The following TRIM16 variants were observed in gnomAD, a reference collection of about 807,000 sequenced individuals.
The protein encoded by TRIM16 is tripartite motif-containing protein 16.
A neutral mutation model predicts 50.4 loss-of-function variants in TRIM16; 33 were observed. That is an observed-to-expected ratio of 0.65 (90% CI 0.50 to 0.88). The LOEUF is 0.88. Ranked by LOEUF, TRIM16 falls within the 40% of genes least tolerant of loss-of-function variation. TRIM16 has a pLI of 0.00. For synonymous variants in TRIM16, 229 were observed against 270.7 expected, an observed-to-expected ratio of 0.85 and a Z score of 1.51; for missense variants, 581 against 686.8, an observed-to-expected ratio of 0.85 and a Z score of 1.72.
rs1442465510 is a variant in TRIM16 at position 15,653,183 on chromosome 17, T to G, written c.-337-1237A>C. ...GCCTGGCACCACCCCCTCTCTTAAT[T>G]CCTCTCTCTCCATGTGACCTGCCCA... is the stretch of plus-strand genomic sequence containing the variant. On this transcript the variant is annotated intron_variant, in intron 6 of 11. Coordinates refer to ENST00000649191, the MANE Select transcript of TRIM16 (RefSeq NM_001348119.1). Among the ~76,000 whole-genome samples the G allele has an allele frequency of 1.1e-4, 17 of 152,034 alleles. 1 individual carries two copies. In the East Asian group the frequency reaches 1.7e-3, roughly 16 times the overall value.
chr17:15,657,914 G>A (rs994340931), intron 6 of TRIM16, among the ~76,000 whole-genome samples: 3 of 152,186 alleles, frequency 2.0e-5, no homozygotes, highest in Admixed American at 6.5e-5. Flanking sequence ...AGTATCTCTT[G>A]CATAAAATGA....
At chr17:15,673,743 T>A (rs962295728) in intron 6 of TRIM16, among the ~76,000 whole-genome samples, 4 of 152,100 alleles carry the variant, frequency 2.6e-5, no homozygotes, top group African/African-American at 9.7e-5. Context: ...AACCAAAAAA[T>A]AATGCCTGGC....
chr17:15,673,860 T>C (rs1856408017), intron 6 of TRIM16, among the ~76,000 whole-genome samples: 1 of 152,134 alleles, frequency 6.6e-6, no homozygotes, highest in African/African-American at 2.4e-5. Flanking sequence ...CATATGACCA[T>C]TTTTTTAAAA....
At chr17:15,644,798 T>TTTC (rs1567674941) in intron 7 of TRIM16, among the ~76,000 whole-genome samples, 2 of 149,178 alleles carry the variant, frequency 1.3e-5, no homozygotes, top group African/African-American at 5.2e-5. Context: ...AACCTAAGTT[T>TTTC]TTGTTGTTGT....
chr17:15,655,510 A>G (rs1275969593), intron 6 of TRIM16, among the ~76,000 whole-genome samples: 1 of 151,834 alleles, frequency 6.6e-6, no homozygotes, highest in East Asian at 1.9e-4. Flanking sequence ...GACATTCCAC[A>G]GTGGTGTGGA....
chr17:15,660,626 C>T (rs1238186550), intron 6 of TRIM16, among the ~76,000 whole-genome samples: 5 of 152,168 alleles, frequency 3.3e-5, no homozygotes, highest in African/African-American at 4.8e-5. Flanking sequence ...GGGCCGGGCG[C>T]GGTGGCTCAC....
At chr17:15,667,838 A>G (rs1988563493) in intron 6 of TRIM16, among the ~76,000 whole-genome samples, 1 of 151,982 alleles carries the variant, frequency 6.6e-6, no homozygotes, top group Non-Finnish European at 1.5e-5. Flanking sequence ...CAATTAATGA[A>G]CTAATATTGA....
At chr17:15,665,957 A>T (rs1255195166) in intron 6 of TRIM16, among the ~76,000 whole-genome samples, 2 of 152,034 alleles carry the variant, frequency 1.3e-5, no homozygotes, top group African/African-American at 4.8e-5. Flanking sequence ...TTCTTTTCTC[A>T]GAGATTGCCA....
chr17:15,655,768 G>T (rs9890334), intron 6 of TRIM16, among the ~76,000 whole-genome samples: 17,456 of 152,042 alleles, frequency 0.11, 1,791 homozygotes, highest in African/African-American at 0.27. Flanking sequence ...TAGAGACGGG[G>T]TTTCACCGTG....
intron 6 of TRIM16, among the ~76,000 whole-genome samples, chr17:15,659,946 CA>C (rs1310650083): frequency 6.6e-6 from 1 of 152,118 alleles, no homozygotes. Context: ...AGCAGCTCAG[CA>C]AGGCCAATGG....
At chr17:15,649,211 A>G (rs1489255752) in intron 7 of TRIM16, among the ~76,000 whole-genome samples, 1 of 152,180 alleles carries the variant, frequency 6.6e-6, no homozygotes, top group Non-Finnish European at 1.5e-5. Context: ...GCCTTCGAGG[A>G]GAAAACGGAG....
intron 6 of TRIM16, among the ~76,000 whole-genome samples, chr17:15,659,365 G>C (rs571565541): frequency 6.6e-6 from 1 of 152,078 alleles, no homozygotes; most frequent in African/African-American, 2.4e-5. Flanking sequence ...CCAAGCTTAC[G>C]GGGCCAGAAT....
chr17:15,682,731 C>T (rs963782816), intron 3 of TRIM16, 123 bp downstream of exon 3: 2 of 973,364 alleles, frequency 2.1e-6, no homozygotes, highest in African/African-American at 1.7e-5. Flanking sequence ...CTTATCCCCC[C>T]TTATCCTTCA....
chr17:15,664,656 C>T (rs989896597), intron 6 of TRIM16, among the ~76,000 whole-genome samples: 7 of 152,296 alleles, frequency 4.6e-5, no homozygotes, highest in South Asian at 4.1e-4. Flanking sequence ...TAGGAAAATG[C>T]GCCTCGGGGA....
In TRIM16 at chr17:15,628,398, G is replaced by C. The variant is rs1223286370; in HGVS notation, c.*217C>G. The C allele has an allele frequency of 1.8e-6, 1 of 550,698 alleles. No individual in the cohort carries two copies. Among genetic ancestry groups the C allele is most frequent in the East Asian group, 3.2e-5 (1 of 31,524 alleles). The allele number at this position is 550,698 out of a possible 1,614,324, so 34.1% of individuals were successfully genotyped here. A position where few individuals can be genotyped will look rare whatever the true frequency, so the allele number is the denominator to read the frequency against. On this transcript the variant is annotated 3_prime_UTR_variant, in exon 12 of 12. Coordinates refer to ENST00000649191, the MANE Select transcript of TRIM16 (RefSeq NM_001348119.1). ...CTCTCCAGCCTGGGCAACAGTGCGA[G>C]ACTCCGTCTCAAAAAAAAAAAAAAG...
At chr17:15,656,792 G>A (rs1035533568) in intron 6 of TRIM16, among the ~76,000 whole-genome samples, 3 of 151,914 alleles carry the variant, frequency 2.0e-5, no homozygotes, top group Non-Finnish European at 2.9e-5. Context: ...AAACTTTGTC[G>A]CCCAGGCTGT....
intron 11 of TRIM16, among the ~76,000 whole-genome samples, chr17:15,630,212 G>A (rs896123692): frequency 3.3e-5 from 5 of 152,090 alleles, no homozygotes; most frequent in Non-Finnish European, 5.9e-5. Flanking sequence ...CCTCCGAGAT[G>A]TGATCACGCC....
chr17:15,633,892 T>C (rs1986566218), intron 9 of TRIM16, among the ~76,000 whole-genome samples: 1 of 149,780 alleles, frequency 6.7e-6, no homozygotes, highest in African/African-American at 2.5e-5. Flanking sequence ...TAAAGTCTTT[T>C]ATGTTAAAAA....
intron 6 of TRIM16, 31 bp from the exon 7 acceptor site, chr17:15,651,977 T>C: frequency 8.7e-7 from 1 of 1,152,244 alleles, no homozygotes; most frequent in African/African-American, 1.6e-5. Context: ...CTGAGCTCTG[T>C]TATAAGCCTG....
Sources: gnomAD v4.1 joint callset for allele counts (sites outside exome capture counted in the v4.1 genomes callset) on GRCh38, gnomAD v4.1.1 for gene constraint, MANE v1.5 for transcripts, NCBI Gene and HGNC (gene_info 2026-07-23, HGNC 2026-07-21) for gene names.